Variants in LRCH3 observed in about 807,000 individuals in gnomAD.
LRCH3 encodes leucine rich repeats and calponin homology domain containing 3.
LRCH3 carries 68 observed loss-of-function variants against 104.5 expected under a neutral mutation model. That is an observed-to-expected ratio of 0.65 (90% confidence interval 0.54 to 0.80). The LOEUF (loss-of-function observed/expected upper bound fraction) is 0.80, where lower values mean the gene tolerates loss of function less well. LRCH3 is among the 30% of genes least tolerant of loss of function. The pLI is 0.00. For synonymous variants in LRCH3, 344 were observed against 361.3 expected (o/e 0.95, Z 0.54); for missense variants, 951 against 953.9 (o/e 1.00, Z 0.04).
chr3:197,797,327 C>CAA (rs3085302), intron 1 of LRCH3, among the ~76,000 whole-genome samples: 1,938 of 71,528 alleles, frequency 0.027, 163 homozygotes, highest in African/African-American at 0.056. Flanking sequence ...AACTCCATCT[C>CAA]AAAAAAAAAA....
intron 5 of LRCH3, among the ~76,000 whole-genome samples, chr3:197,827,407 TAAATCATAGTGGAAGCATCAGGC>T: frequency 6.6e-6 from 1 of 151,894 alleles, no homozygotes; most frequent in Non-Finnish European, 1.5e-5. Context: ...AAGCATCAGG[TAAATCATAGTGGAAGCATCAGGC>T]AAATCATAGT....
At position 197,826,892 on chromosome 3, in the gene LRCH3, C is replaced by T; in HGVS notation, c.655C>T (p.Pro219Ser). ...CCTTCTTGCAGAGCTGGCGGAGTTG[C>T]CTTTGATACGGTTAGACTTCTCATG... Reference protein sequence around the residue: ...VHLPEELAELPLIRLDFSCNK... With the variant: ...VHLPEELAELSLIRLDFSCNK... The change falls in exon 5 of 21, where the codon CCT (proline) becomes TCT (serine). Residue 219 changes from proline (P) to serine (S), a missense_variant. By Grantham distance (74) the Pro-to-Ser change is moderately conservative (BLOSUM62 -1). Coordinates refer to ENST00000425562, the MANE Select transcript of LRCH3 (RefSeq NM_001365715.1). The T allele has an allele frequency of 6.2e-7, 1 of 1,614,096 alleles. No individual in the cohort carries two copies. Among genetic ancestry groups the T allele is most frequent in the Non-Finnish European group, 8.5e-7 (1 of 1,180,018 alleles).
At position 197,847,379 on chromosome 3, in the gene LRCH3, T is replaced by G. The variant is rs768588044; in HGVS notation, c.1329-30T>G. 7.0e-6 allele frequency: 11 copies of G among 1,562,842 alleles called. No homozygotes were observed. The African/African-American group carries it at 1.4e-4, about 20-fold the overall frequency. On this transcript the variant is annotated intron_variant, in intron 10 of 20. Coordinates refer to ENST00000425562, the MANE Select transcript of LRCH3 (RefSeq NM_001365715.1). ...CTGTTTGTCTTTTTATCAAAGAGTT[T>G]TTTTCTTTCTTTTTTCTTTTTTGGG...
At chr3:197,868,414 G>A (rs560195248) in intron 17 of LRCH3, among the ~76,000 whole-genome samples, 29 of 152,298 alleles carry the variant, frequency 1.9e-4, no homozygotes, top group South Asian at 6.2e-4. Context: ...TGACTTGAGC[G>A]TCCACAAAGT....
In LRCH3 at chr3:197,885,392, C is replaced by T. The variant is rs888975700; in HGVS notation, c.*1726C>T. 5.9e-5 allele frequency: 9 copies of T among 152,234 alleles called. No homozygotes were observed. Among genetic ancestry groups the T allele is most frequent in the Admixed American group, 2.0e-4 (3 of 15,278 alleles). 9.4% of individuals were successfully genotyped at this position (152,234 alleles called of 1,614,324 possible). On this transcript the variant is annotated 3_prime_UTR_variant, in exon 21 of 21. Coordinates refer to ENST00000425562, the MANE Select transcript of LRCH3 (RefSeq NM_001365715.1). ...TTGGGAGGCTGAGGCGGGCAGATCACCTGAAGTTGGGAGTTTGAGACCAGC... is the reference window on the plus strand; with the variant it reads ...TTGGGAGGCTGAGGCGGGCAGATCATCTGAAGTTGGGAGTTTGAGACCAGC...
In LRCH3 at chr3:197,854,110, C is replaced by T. The variant is rs895268418; in HGVS notation, c.1591-282C>T. On this transcript the variant is annotated intron_variant, in intron 13 of 20. Transcript: ENST00000425562. The surrounding 1 kb of genome is among the most constrained non-coding windows in gnomAD (Gnocchi z 4.5). ...CCATAGGTTCTTTATGTTATTGTTA[C>T]ATCTCTCTCCAGCTTTCTGTTCCCT... 6.6e-6 allele frequency among the ~76,000 whole-genome samples: 1 copy of T among 152,080 alleles called. No individual in the cohort carries two copies. Among genetic ancestry groups the T allele is most frequent in the Admixed American group, 6.6e-5 (1 of 15,236 alleles).
At chr3:197,879,410 G>A (rs1713303988) in intron 20 of LRCH3, among the ~76,000 whole-genome samples, 2 of 152,076 alleles carry the variant, frequency 1.3e-5, no homozygotes, top group Admixed American at 6.5e-5. Flanking sequence ...ACTTTGGGAG[G>A]CCGAGGTGGG....
intron 2 of LRCH3, among the ~76,000 whole-genome samples, chr3:197,816,840 C>T (rs1235753601): frequency 6.6e-6 from 1 of 152,092 alleles, no homozygotes; most frequent in East Asian, 1.9e-4. Context: ...TCTTTTCCTA[C>T]CTAAATGTTA....
At chr3:197,879,533 C>A (rs1713372238) in intron 20 of LRCH3, among the ~76,000 whole-genome samples, 1 of 151,672 alleles carries the variant, frequency 6.6e-6, no homozygotes, top group Non-Finnish European at 1.5e-5. Context: ...GTAGTCCCAG[C>A]TGCTCGGGAG....
At chr3:197,859,183 T>C (rs1166743585) in intron 15 of LRCH3, 4 of 410,966 alleles carry the variant, frequency 9.7e-6, no homozygotes, top group Non-Finnish European at 1.8e-5. Flanking sequence ...TGAGTTATTA[T>C]TTCACTTTGG....
chr3:197,880,853 T>G, intron 20 of LRCH3: 1 of 1,450,900 alleles, frequency 6.9e-7, no homozygotes, highest in Non-Finnish European at 9.0e-7. Flanking sequence ...AGGTAAATCC[T>G]TTCTTTATAT....
At position 197,856,342 on chromosome 3, in the gene LRCH3, T is replaced by G. The variant is rs1341118413; in HGVS notation, c.1644+1897T>G. ...TATTACTGTTGTCACGGTAATTTTT[T>G]TATCATGGTAGTTTTATTTGGGTGT... On this transcript the variant is annotated intron_variant, in intron 14 of 20. Transcript: ENST00000425562. This position sits in a 1 kb window ranked among gnomAD's most constrained non-coding sequence, Gnocchi z 4.2. Among the ~76,000 whole-genome samples, 3 of 152,182 alleles carry G rather than the reference T, an allele frequency of 2.0e-5. No homozygotes were observed. The highest frequency in any genetic ancestry group is 2.9e-5 in the Non-Finnish European group (2 of 68,036).
rs149076062 is a variant in LRCH3, at chr3:197,874,881, T to C, written c.2131-817T>C. Among the ~76,000 whole-genome samples the C allele has an allele frequency of 1.8e-3, 277 of 152,240 alleles. 1 individual carries two copies. The highest frequency in any genetic ancestry group is 2.7e-3 in the Non-Finnish European group (181 of 67,992). On this transcript the variant is annotated intron_variant, in intron 19 of 20. Coordinates refer to ENST00000425562, the MANE Select transcript of LRCH3 (RefSeq NM_001365715.1). ...CACTTTCTTGTTTGCATATTGTCTA[T>C]AGTTGCTTTCAAGCTCCTGGCAGAC...
At chr3:197,852,714 A>C in intron 13 of LRCH3, 94 bp downstream of exon 13, 18 of 1,279,596 alleles carry the variant, frequency 1.4e-5, no homozygotes, top group Non-Finnish European at 2.0e-5. Flanking sequence ...CAGTGCTCGG[A>C]ATATTGCCAT....
chr3:197,865,787 T>G (rs1741412681), intron 16 of LRCH3, among the ~76,000 whole-genome samples: 1 of 151,322 alleles, frequency 6.6e-6, no homozygotes, highest in African/African-American at 2.4e-5. Flanking sequence ...TTTTTTCCCA[T>G]TTTTAAATTA....
rs189239676 is a variant in LRCH3 at position 197,824,213 on chromosome 3, C to T, written c.641-2665C>T. Among the ~76,000 whole-genome samples, 995 of 152,028 alleles carry T rather than the reference C, an allele frequency of 6.5e-3. 11 individuals carry two copies. Among genetic ancestry groups the T allele is most frequent in the African/African-American group, 0.022 (930 of 41,494 alleles). On this transcript the variant is annotated intron_variant, in intron 4 of 20. Coordinates refer to ENST00000425562, the MANE Select transcript of LRCH3 (RefSeq NM_001365715.1). Reference sequence around the variant, plus strand: ...CTGAGTAGCTGGAATTACAGGCGCCCGCCACCATGCCCAGCTAATTTTTGT... The same window carrying T: ...CTGAGTAGCTGGAATTACAGGCGCCTGCCACCATGCCCAGCTAATTTTTGT...
intron 9 of LRCH3, among the ~76,000 whole-genome samples, chr3:197,837,367 T>C (rs536408024): frequency 6.6e-6 from 1 of 152,320 alleles, no homozygotes; most frequent in South Asian, 2.1e-4. Flanking sequence ...TTTAATTCAT[T>C]GTATTGTTTT....
chr3:197,843,941 CA>C (rs1176519062), intron 10 of LRCH3, among the ~76,000 whole-genome samples: 14 of 152,098 alleles, frequency 9.2e-5, no homozygotes, highest in African/African-American at 3.4e-4. Flanking sequence ...ATATATGTAA[CA>C]AGCATGTTTC....
In LRCH3 at chr3:197,832,242, A is replaced by G; in HGVS notation, c.1027A>G (p.Thr343Ala). The G allele has an allele frequency of 6.2e-7, 1 of 1,613,858 alleles. No individual in the cohort carries two copies. Among genetic ancestry groups the G allele is most frequent in the Non-Finnish European group, 8.5e-7 (1 of 1,179,768 alleles). ...TCTGCCTCTTCGAGTAGCAGAGATT[A>G]CTAAAGAACAAAGACTACGAAGAGA... is the stretch of plus-strand genomic sequence containing the variant. ...SDLPLRVAEI[T>A]KEQRLRRESQ... The change falls in exon 8 of 21, where the codon ACT (threonine) becomes GCT (alanine). Residue 343 changes from threonine (T) to alanine (A), a missense_variant. Transcript: ENST00000425562.
Sources: allele counts gnomAD v4.1 joint callset (sites outside exome capture counted in the v4.1 genomes callset), GRCh38; gene constraint gnomAD v4.1.1; non-coding constraint Gnocchi (gnomAD v3.1); transcripts MANE v1.5; gene names NCBI Gene and HGNC (gene_info 2026-07-23, HGNC 2026-07-21).